BCAS3: variants seen among roughly 807,000 people sequenced by gnomAD.
The protein encoded by BCAS3 is BCAS4/BCAS3 fusion.
In BCAS3, 53 loss-of-function variants were observed where a neutral mutation model predicts 116.1. The ratio of observed to expected loss-of-function variants is 0.46; its 90% confidence interval spans 0.37 to 0.57. The LOEUF (loss-of-function observed/expected upper bound fraction) is 0.57. Among genes scored for constraint, BCAS3 ranks in the 20% least tolerant of loss-of-function variants. The pLI is 0.00. For synonymous variants in BCAS3, 391 were observed against 408.2 expected (o/e 0.96, Z 0.51); for missense variants, 917 against 1,165.4 (o/e 0.79, Z 3.10).
At position 60,843,373 on chromosome 17, in the gene BCAS3, C is replaced by T. The variant is rs538041567; in HGVS notation, c.477-25203C>T. 1.3e-4 allele frequency among the ~76,000 whole-genome samples: 19 copies of T among 151,936 alleles called. No homozygotes were observed. In the East Asian group the frequency reaches 3.1e-3, roughly 25 times the overall value. The stretch of plus-strand genomic sequence containing the variant: ...CTGGGATTACAGGCACACACCACCA[C>T]GCCTGAGCTAATTTTGGCAATTTTT... On this transcript the variant is annotated intron_variant, in intron 7 of 23. Transcript: ENST00000407086.
At chr17:60,736,924 T>TCCTC (rs573369408) in intron 5 of BCAS3, among the ~76,000 whole-genome samples, 2 of 127,606 alleles carry the variant, frequency 1.6e-5, no homozygotes, top group Non-Finnish European at 3.3e-5. Flanking sequence ...CTTCCTCCCT[T>TCCTC]CCTCCCTCCC....
chr17:60,911,225 G>A (rs771863042), intron 12 of BCAS3, among the ~76,000 whole-genome samples: 53 of 144,558 alleles, frequency 3.7e-4, no homozygotes, highest in East Asian at 1.1e-3. Context: ...TGGATTCAGC[G>A]GATTCTCCTG....
intron 7 of BCAS3, among the ~76,000 whole-genome samples, chr17:60,843,875 A>T (rs2052227986): frequency 1.3e-5 from 2 of 152,204 alleles, no homozygotes; most frequent in South Asian, 4.1e-4. Context: ...TTTTGTGTTC[A>T]GTAGGTGTCT....
At chr17:60,789,954 T>C (rs1192795193) in intron 6 of BCAS3, among the ~76,000 whole-genome samples, 2 of 151,760 alleles carry the variant, frequency 1.3e-5, no homozygotes, top group African/African-American at 4.8e-5. Flanking sequence ...ATGAGAATAT[T>C]TTTTTTTTCT....
chr17:61,118,153 G>T lies in BCAS3; in HGVS notation c.2425+33589G>T, dbSNP rs1056990923. On this transcript the variant is annotated intron_variant, in intron 22 of 23. Coordinates refer to ENST00000407086, the MANE Select transcript of BCAS3 (RefSeq NM_017679.5). The surrounding 1 kb of genome is among the most constrained non-coding windows in gnomAD (Gnocchi z 5.0). The stretch of plus-strand genomic sequence containing the variant: ...CCTTCGGTTTTAAGGGGCTTTCTCT[G>T]GTATCACAATGGCAGGGGAAGTAGG... Among the ~76,000 whole-genome samples the T allele has an allele frequency of 3.3e-5, 5 of 152,068 alleles. No homozygotes were observed. Among genetic ancestry groups the T allele is most frequent in the Admixed American group, 6.6e-5 (1 of 15,260 alleles).
intron 6 of BCAS3, among the ~76,000 whole-genome samples, chr17:60,760,866 GT>G (rs1332050126): frequency 3.9e-5 from 6 of 152,004 alleles, no homozygotes; most frequent in African/African-American, 1.4e-4. Context: ...GTCACTTTTT[GT>G]TGTCCCAAAT....
At chr17:60,835,262 T>C (rs1358701599) in intron 7 of BCAS3, among the ~76,000 whole-genome samples, 2 of 152,058 alleles carry the variant, frequency 1.3e-5, no homozygotes, top group African/African-American at 4.8e-5. Context: ...AGATTTTTAG[T>C]ATCCTGAATT....
chr17:60,874,287 G>A (rs767433305), intron 8 of BCAS3, among the ~76,000 whole-genome samples: 6 of 152,116 alleles, frequency 3.9e-5, no homozygotes, highest in Non-Finnish European at 8.8e-5. Context: ...GCCCAGGCTG[G>A]TCTCAACCTC....
At chr17:60,915,997 T>C (rs2058760675) in intron 12 of BCAS3, among the ~76,000 whole-genome samples, 1 of 152,188 alleles carries the variant, frequency 6.6e-6, no homozygotes, top group African/African-American at 2.4e-5. Context: ...TTTGTACTTT[T>C]CAATCACTCT....
chr17:60,844,518 T>G (rs948195578), intron 7 of BCAS3, among the ~76,000 whole-genome samples: 11 of 152,178 alleles, frequency 7.2e-5, no homozygotes, highest in African/African-American at 2.7e-4. Context: ...TCTGTTTTGT[T>G]TTTTTTAAAG....
At chr17:61,111,209 A>G (rs2075067088) in intron 22 of BCAS3, among the ~76,000 whole-genome samples, 2 of 152,112 alleles carry the variant, frequency 1.3e-5, no homozygotes, top group Non-Finnish European at 2.9e-5. Flanking sequence ...GCAGTTCCTC[A>G]CCAGCAACGG....
rs764708624 is a variant in BCAS3 at position 61,258,700 on chromosome 17, A to C, written c.2426-109627A>C. ...TCTAAAGTGGAGAATTTTGGATAAT[A>C]AATTTTAGTAGACTCATTTGATATA... is the stretch of plus-strand genomic sequence containing the variant. On this transcript the variant is annotated intron_variant, in intron 22 of 23. Transcript: ENST00000407086. This position sits in a 1 kb window ranked among gnomAD's most constrained non-coding sequence, Gnocchi z 4.7. Among the ~76,000 whole-genome samples the C allele has an allele frequency of 3.9e-5, 6 of 152,230 alleles. No individual in the cohort carries two copies. The highest frequency in any genetic ancestry group is 8.8e-5 in the Non-Finnish European group (6 of 68,034).
chr17:60,971,154 A>T (rs1460286487), intron 14 of BCAS3, among the ~76,000 whole-genome samples: 1 of 152,084 alleles, frequency 6.6e-6, no homozygotes, highest in Non-Finnish European at 1.5e-5. Flanking sequence ...AGCAACTATG[A>T]TTTGTTTGCA....
chr17:60,903,130 C>T (rs1258582009), intron 11 of BCAS3, among the ~76,000 whole-genome samples: 1 of 152,120 alleles, frequency 6.6e-6, no homozygotes, highest in Non-Finnish European at 1.5e-5. Context: ...TTGATGATGT[C>T]TGGTAAACTT....
chr17:60,731,003 AGAT>A (rs2040403712), intron 5 of BCAS3, among the ~76,000 whole-genome samples: 1 of 152,180 alleles, frequency 6.6e-6, no homozygotes, highest in Non-Finnish European at 1.5e-5. Context: ...CCTTAGTATA[AGAT>A]GATACCTGCC....
chr17:60,881,266 A>ATG (rs2056118508), intron 9 of BCAS3, among the ~76,000 whole-genome samples: 1 of 151,944 alleles, frequency 6.6e-6, no homozygotes, highest in Non-Finnish European at 1.5e-5. Flanking sequence ...GAGCCACCGC[A>ATG]CCTGGCCTGG....
chr17:61,034,699 C>A lies in BCAS3; in HGVS notation c.1671C>A (p.Ser557Arg). 2.5e-6 allele frequency: 4 copies of A among 1,611,246 alleles called. No individual in the cohort carries two copies. Among genetic ancestry groups the A allele is most frequent in the Non-Finnish European group, 3.4e-6 (4 of 1,178,316 alleles). The change falls in exon 17 of 24, where the codon AGC becomes AGA. Residue 557 changes from serine to arginine, a missense_variant. Around this residue, in one of 3 missense-constraint regions of BCAS3, gnomAD observed 807 missense variants for 1,026.0 expected, o/e 0.79. Transcript: ENST00000407086. This position sits in a 1 kb window ranked among gnomAD's most constrained non-coding sequence, Gnocchi z 5.0. ...KVKPPPQISP[S>R]KSMGGEFCVA... is the part of the protein sequence containing the mutation. Reference sequence around the variant, plus strand: ...AACCTCCTCCACAAATTTCACCCAGCAAATCGATGGGCGGAGAATTTTGTG... The same window carrying A: ...AACCTCCTCCACAAATTTCACCCAGAAAATCGATGGGCGGAGAATTTTGTG...
chr17:61,052,456 C>T (rs1488914775), intron 19 of BCAS3, among the ~76,000 whole-genome samples: 1 of 152,012 alleles, frequency 6.6e-6, no homozygotes, highest in African/African-American at 2.4e-5. Flanking sequence ...CCATAGGCAG[C>T]ACGACGTGTT....
chr17:61,014,936 A>G (rs2065349407), intron 15 of BCAS3, among the ~76,000 whole-genome samples: 1 of 152,200 alleles, frequency 6.6e-6, no homozygotes, highest in African/African-American at 2.4e-5. Flanking sequence ...CCAAAGAAGT[A>G]CAAAACTTGT....
Sources: gnomAD v4.1 joint callset for allele counts (sites outside exome capture counted in the v4.1 genomes callset) on GRCh38, gnomAD v4.1.1 for gene constraint, gnomAD v4.1.1 regional missense constraint, Gnocchi (gnomAD v3.1) non-coding constraint, MANE v1.5 for transcripts, NCBI Gene and HGNC (gene_info 2026-07-23, HGNC 2026-07-21) for gene names.